Variants in ERBB4 observed in about 807,000 individuals in gnomAD.
ERBB4 encodes the protein receptor tyrosine-protein kinase erbB-4.
ERBB4 carries 42 observed loss-of-function variants against 158.0 expected under a neutral mutation model. The observed-to-expected ratio is 0.27, with a 90% confidence interval of 0.21 to 0.34. ERBB4 has a LOEUF of 0.34. ERBB4 is among the 10% of genes least tolerant of loss of function. The probability of loss-of-function intolerance (pLI) is 1.00; values close to 1 mark genes in which losing one functional copy is unlikely to be tolerated. For synonymous variants in ERBB4, 583 were observed against 558.7 expected, an observed-to-expected ratio of 1.04 and a Z score of -0.61; for missense variants, 1,333 against 1,624.1, an observed-to-expected ratio of 0.82 and a Z score of 3.08.
At chr2:211,751,096 A>G (rs1010686104) in intron 4 of ERBB4, among the ~76,000 whole-genome samples, 4 of 152,208 alleles carry the variant, frequency 2.6e-5, no homozygotes, top group African/African-American at 7.2e-5. Context: ...AACATATATT[A>G]AAAAGTAAAG....
intron 1 of ERBB4, among the ~76,000 whole-genome samples, chr2:212,155,210 AAAT>A (rs138135081): frequency 3.3e-5 from 5 of 152,252 alleles, no homozygotes; most frequent in Admixed American, 1.3e-4. Context: ...TTGATGCGAC[AAAT>A]AATAACTCAT....
intron 20 of ERBB4, among the ~76,000 whole-genome samples, chr2:211,495,034 AG>A (rs2065435185): frequency 6.6e-6 from 1 of 152,144 alleles, no homozygotes; most frequent in African/African-American, 2.4e-5. Flanking sequence ...CTTGAATAAA[AG>A]AATATCTTAG....
chr2:212,016,686 T>G (rs977768875), intron 2 of ERBB4, among the ~76,000 whole-genome samples: 2 of 152,138 alleles, frequency 1.3e-5, no homozygotes, highest in African/African-American at 4.8e-5. Context: ...AGGACCTGTA[T>G]TTTATATTTT....
chr2:212,081,028 T>C (rs1559460810), intron 2 of ERBB4, among the ~76,000 whole-genome samples: 1 of 152,186 alleles, frequency 6.6e-6, no homozygotes, highest in Non-Finnish European at 1.5e-5. Context: ...ACATTATATG[T>C]CTATGCTCAC....
chr2:211,696,327 T>A (rs954610339), intron 12 of ERBB4, among the ~76,000 whole-genome samples: 5 of 152,080 alleles, frequency 3.3e-5, no homozygotes, highest in Non-Finnish European at 7.4e-5. Context: ...GCCAAGATGA[T>A]CTTGAACTCC....
chr2:212,454,994 T>C (rs1024377057), intron 1 of ERBB4, among the ~76,000 whole-genome samples: 5 of 152,168 alleles, frequency 3.3e-5, no homozygotes, highest in African/African-American at 9.7e-5. Context: ...TCAATATTAT[T>C]ATGATATTAA....
intron 20 of ERBB4, among the ~76,000 whole-genome samples, chr2:211,467,444 A>G (rs1164039768): frequency 1.3e-5 from 2 of 152,164 alleles, no homozygotes; most frequent in Admixed American, 6.6e-5. Flanking sequence ...TGTTGTTTTT[A>G]GGCAGCACTA....
chr2:212,332,183 AT>A (rs1376143452), intron 1 of ERBB4, among the ~76,000 whole-genome samples: 1 of 151,972 alleles, frequency 6.6e-6, no homozygotes, highest in Non-Finnish European at 1.5e-5. Flanking sequence ...AGTCTTTCGC[AT>A]ACTGTTCTCA....
intron 1 of ERBB4, among the ~76,000 whole-genome samples, chr2:212,250,295 AAT>A (rs1176130860): frequency 6.6e-6 from 1 of 151,978 alleles, no homozygotes. Context: ...TATGAAAGAT[AAT>A]CTCCTTAAAC....
At chr2:212,231,936 C>G (rs1574483226) in intron 1 of ERBB4, among the ~76,000 whole-genome samples, 1 of 152,236 alleles carries the variant, frequency 6.6e-6, no homozygotes, top group East Asian at 1.9e-4. Flanking sequence ...TTCATTTAAT[C>G]TGAAGCTTTT....
intron 2 of ERBB4, among the ~76,000 whole-genome samples, chr2:212,027,507 G>A (rs909087906): frequency 6.6e-6 from 1 of 152,090 alleles, no homozygotes; most frequent in Non-Finnish European, 1.5e-5. Flanking sequence ...CAAGCACAGT[G>A]CTTATCATTG....
At chr2:211,726,010 C>G (rs2074253350) in intron 5 of ERBB4, among the ~76,000 whole-genome samples, 1 of 152,164 alleles carries the variant, frequency 6.6e-6, no homozygotes. Context: ...TATCCATCAA[C>G]ATTATAGCAA....
intron 3 of ERBB4, among the ~76,000 whole-genome samples, chr2:211,841,117 G>A (rs1365989666): frequency 1.3e-5 from 2 of 152,036 alleles, no homozygotes; most frequent in East Asian, 3.9e-4. Flanking sequence ...TATACTTTAT[G>A]AAGAAAATTT....
At chr2:211,873,848 A>C (rs1416504157) in intron 3 of ERBB4, among the ~76,000 whole-genome samples, 2 of 151,044 alleles carry the variant, frequency 1.3e-5, no homozygotes, top group African/African-American at 4.9e-5. Context: ...TGTGTAAAAC[A>C]ATGTGTTCTT....
At chr2:211,394,551 C>CAGTT (rs1474646971) in intron 25 of ERBB4, among the ~76,000 whole-genome samples, 2 of 152,110 alleles carry the variant, frequency 1.3e-5, no homozygotes, top group African/African-American at 4.8e-5. Context: ...TAATTCTTTT[C>CAGTT]AGTTAGAGAG....
At chr2:212,038,644 A>G (rs1302797055) in intron 2 of ERBB4, among the ~76,000 whole-genome samples, 2 of 152,010 alleles carry the variant, frequency 1.3e-5, no homozygotes, top group Admixed American at 1.3e-4. Flanking sequence ...CTGACCACTG[A>G]ATTGTTAAAG....
intron 4 of ERBB4, among the ~76,000 whole-genome samples, chr2:211,754,559 C>G (rs2075242794): frequency 6.6e-6 from 1 of 151,566 alleles, no homozygotes; most frequent in South Asian, 2.1e-4. Context: ...TGCCATACGC[C>G]CAGCTAGTTT....
chr2:211,734,637 A>G (rs1016805510), intron 5 of ERBB4, among the ~76,000 whole-genome samples: 3 of 150,592 alleles, frequency 2.0e-5, no homozygotes, highest in Non-Finnish European at 3.0e-5. Context: ...AAAAAAAAAA[A>G]AAGCTGGGCG....
chr2:211,389,173 C>T (rs2062749452), intron 25 of ERBB4, among the ~76,000 whole-genome samples: 1 of 152,100 alleles, frequency 6.6e-6, no homozygotes, highest in African/African-American at 2.4e-5. Context: ...GTAGCTGGGA[C>T]TACAGGCACC....
Sources: allele counts gnomAD v4.1 joint callset (sites outside exome capture counted in the v4.1 genomes callset), GRCh38; gene constraint gnomAD v4.1.1; transcripts MANE v1.5; gene names NCBI Gene and HGNC (gene_info 2026-07-23, HGNC 2026-07-21).